The following FSHR variants were observed in gnomAD, a reference collection of about 807,000 sequenced individuals.
FSHR encodes follicle-stimulating hormone receptor.
In FSHR, 46 loss-of-function variants were observed where a neutral mutation model predicts 52.1. That is an observed-to-expected ratio of 0.88 (90% CI 0.70 to 1.13). The LOEUF is 1.13. FSHR is among the 50% of genes most tolerant of loss of function. The pLI, the probability that FSHR is intolerant of heterozygous loss-of-function variation, is 0.00. For missense variants in FSHR, 964 were observed against 834.6 expected, an observed-to-expected ratio of 1.16 and a Z score of -1.91; for synonymous variants, 399 against 309.6, an observed-to-expected ratio of 1.29 and a Z score of -3.03.
chr2:49,089,792 C>G (rs1000274365), intron 1 of FSHR, among the ~76,000 whole-genome samples: 3 of 152,142 alleles, frequency 2.0e-5, no homozygotes, highest in African/African-American at 7.2e-5. Flanking sequence ...TAAAAGGGGT[C>G]TTTGCACTAA....
intron 4 of FSHR, among the ~76,000 whole-genome samples, chr2:49,012,871 T>C (rs914422619): frequency 6.6e-6 from 1 of 152,090 alleles, no homozygotes; most frequent in Non-Finnish European, 1.5e-5. Flanking sequence ...ATGGAAGATA[T>C]GCTATGGACT....
chr2:49,127,609 A>G (rs573119700), intron 1 of FSHR, among the ~76,000 whole-genome samples: 5 of 152,106 alleles, frequency 3.3e-5, no homozygotes, highest in East Asian at 1.9e-4. Flanking sequence ...AGGTCTACTG[A>G]CATCCGCACG....
intron 1 of FSHR, among the ~76,000 whole-genome samples, chr2:49,144,665 C>T: frequency 6.6e-6 from 1 of 152,048 alleles, no homozygotes; most frequent in Non-Finnish European, 1.5e-5. Flanking sequence ...AGAAATGCTG[C>T]ACTGCTTGCC....
chr2:49,141,188 A>T (rs1411861956), intron 1 of FSHR, among the ~76,000 whole-genome samples: 1 of 152,080 alleles, frequency 6.6e-6, no homozygotes, highest in Non-Finnish European at 1.5e-5. Flanking sequence ...TCACAACCCC[A>T]CTGATTGAAT....
intron 2 of FSHR, among the ~76,000 whole-genome samples, chr2:49,058,462 G>A (rs774801691): frequency 4.6e-5 from 7 of 151,928 alleles, no homozygotes; most frequent in African/African-American, 1.5e-4. Flanking sequence ...CAGGGGAATC[G>A]CTGGAACCGG....
At chr2:49,145,627 G>T (rs1158813949) in intron 1 of FSHR, among the ~76,000 whole-genome samples, 2 of 152,040 alleles carry the variant, frequency 1.3e-5, no homozygotes, top group Non-Finnish European at 2.9e-5. Context: ...TTTCGACAAT[G>T]ACTATTCTGA....
At chr2:49,037,075 A>C (rs1321122779) in intron 2 of FSHR, among the ~76,000 whole-genome samples, 1 of 152,192 alleles carries the variant, frequency 6.6e-6, no homozygotes, top group Non-Finnish European at 1.5e-5. Context: ...ATTAGAGATG[A>C]ACTACTTGCA....
chr2:49,147,094 T>A (rs947638714), intron 1 of FSHR, among the ~76,000 whole-genome samples: 7 of 152,090 alleles, frequency 4.6e-5, no homozygotes, highest in African/African-American at 1.4e-4. Flanking sequence ...CTTTGAAGAT[T>A]TTCAGATCAG....
At position 48,990,508 on chromosome 2, in the gene FSHR, C is replaced by T. The variant is rs144458659; in HGVS notation, c.446+58G>A. The T allele has an allele frequency of 5.5e-4, 604 of 1,096,000 alleles. 3 individuals carry two copies. The African/African-American group carries it at 7.5e-3, about 14-fold the overall frequency. The allele number at this position is 1,096,000 out of a possible 1,614,324, so 67.9% of individuals were successfully genotyped here. A position where few individuals can be genotyped will look rare whatever the true frequency, so the allele number is the denominator to read the frequency against. Reference sequence around the variant, plus strand: ...AATGCATATTAAAGGCCCAGATAGCCGTTGGGCAAGACAGATACTGAGTAA... The same window carrying T: ...AATGCATATTAAAGGCCCAGATAGCTGTTGGGCAAGACAGATACTGAGTAA... On this transcript the variant is annotated intron_variant, in intron 5 of 9. Transcript: ENST00000406846.
intron 1 of FSHR, among the ~76,000 whole-genome samples, chr2:49,148,407 A>G (rs1192292552): frequency 6.6e-6 from 1 of 152,068 alleles, no homozygotes; most frequent in African/African-American, 2.4e-5. Context: ...ATCATCTTTT[A>G]TAAGAATTCT....
chr2:48,984,445 T>C (rs1208280212), intron 6 of FSHR, among the ~76,000 whole-genome samples: 1 of 152,162 alleles, frequency 6.6e-6, no homozygotes, highest in Non-Finnish European at 1.5e-5. Flanking sequence ...AGCAAACTTT[T>C]TCTGTAAAGG....
chr2:49,098,157 G>C (rs920169664), intron 1 of FSHR, among the ~76,000 whole-genome samples: 36 of 152,222 alleles, frequency 2.4e-4, no homozygotes, highest in African/African-American at 8.4e-4. Context: ...AATGATTCCT[G>C]ATTGGTTTGA....
chr2:49,145,457 C>T (rs1041386738), intron 1 of FSHR, among the ~76,000 whole-genome samples: 4 of 151,982 alleles, frequency 2.6e-5, no homozygotes, highest in Non-Finnish European at 5.9e-5. Flanking sequence ...AATCATCCCA[C>T]GGTGGTCAAG....
chr2:48,982,679 A>ATCTGACACTCTGTACGTGC (rs1261095386), intron 8 of FSHR, among the ~76,000 whole-genome samples: 1 of 152,240 alleles, frequency 6.6e-6, no homozygotes, highest in African/African-American at 2.4e-5. Context: ...TGAGAACGCC[A>ATCTGACACTCTGTACGTGC]TCTGACACTC....
At chr2:49,115,867 C>G (rs954495277) in intron 1 of FSHR, among the ~76,000 whole-genome samples, 1 of 151,978 alleles carries the variant, frequency 6.6e-6, no homozygotes, top group Non-Finnish European at 1.5e-5. Flanking sequence ...GGGAATACTG[C>G]AATTTGGTGT....
At chr2:49,102,746 T>C in intron 1 of FSHR, among the ~76,000 whole-genome samples, 1 of 152,312 alleles carries the variant, frequency 6.6e-6, no homozygotes, top group Non-Finnish European at 1.5e-5. Flanking sequence ...TAATCTATTA[T>C]TGAGTTGTAT....
chr2:49,031,888 A>G (rs922181958), intron 2 of FSHR, among the ~76,000 whole-genome samples: 1 of 152,180 alleles, frequency 6.6e-6, no homozygotes, highest in African/African-American at 2.4e-5. Context: ...TAGTAAAGGA[A>G]TGATATTTAT....
chr2:49,027,155 C>G (rs536644225), intron 2 of FSHR, among the ~76,000 whole-genome samples: 1 of 152,266 alleles, frequency 6.6e-6, no homozygotes, highest in South Asian at 2.1e-4. Context: ...CCATTTTTGT[C>G]CAAACAGATC....
chr2:48,982,866 T>A (rs1573042579), intron 8 of FSHR, 46 bp downstream of exon 8: 1 of 1,506,942 alleles, frequency 6.6e-7, no homozygotes, highest in East Asian at 2.3e-5. Flanking sequence ...ACTTCTAACT[T>A]ACACAAACTG....
Sources: allele counts gnomAD v4.1 joint callset (sites outside exome capture counted in the v4.1 genomes callset), GRCh38; gene constraint gnomAD v4.1.1; transcripts MANE v1.5; gene names NCBI Gene and HGNC (gene_info 2026-07-23, HGNC 2026-07-21).